The following LARGE1 variants were observed in gnomAD, a reference collection of about 807,000 sequenced individuals.
The protein encoded by LARGE1 is xylosyl- and glucuronyltransferase LARGE1.
A neutral mutation model predicts 87.6 loss-of-function variants in LARGE1; 43 were observed. The observed-to-expected ratio is 0.49, with a 90% CI of 0.38 to 0.63. The LOEUF (loss-of-function observed/expected upper bound fraction) is 0.63, where lower values mean the gene tolerates loss of function less well. Ranked by LOEUF, LARGE1 falls within the 30% of genes least tolerant of loss-of-function variation. The pLI, the probability that LARGE1 is intolerant of heterozygous loss-of-function variation, is 0.00. For synonymous variants in LARGE1, 434 were observed against 394.6 expected (o/e 1.10, Z -1.18); for missense variants, 802 against 1,000.2 (o/e 0.80, Z 2.67).
chr22:33,461,947 G>T (rs1047430079), intron 6 of LARGE1, among the ~76,000 whole-genome samples: 1 of 152,134 alleles, frequency 6.6e-6, no homozygotes. Context: ...GACTACAGCT[G>T]CATGAGAGAT....
Position 33,252,255 on chromosome 22 carries a change from C to A in LARGE1, c.1730+51974G>T, listed in dbSNP as rs895828713. Reference sequence around the variant, plus strand: ...TTTTAATGATAATTCCTTCATTCCCCCCCCCCCCGCCATTTTAAACTCATT... The same window carrying A: ...TTTTAATGATAATTCCTTCATTCCCACCCCCCCCGCCATTTTAAACTCATT... On this transcript the variant is annotated intron_variant, in intron 11 of 11. Coordinates refer to the LARGE1 transcript ENST00000608642. 2.6e-4 allele frequency among the ~76,000 whole-genome samples: 35 copies of A among 132,284 alleles called. No homozygotes were observed. In the South Asian group the frequency reaches 3.0e-3, roughly 11 times the overall value. The allele number at this position is 132,284 out of a possible 152,430, so 86.8% of individuals were successfully genotyped here.
At chr22:33,691,525 T>C (rs190313719) in intron 2 of LARGE1, among the ~76,000 whole-genome samples, 81 of 152,240 alleles carry the variant, frequency 5.3e-4, no homozygotes, top group African/African-American at 1.8e-3. Context: ...AAGACTGGAA[T>C]ATGGCTCCTC....
intron 6 of LARGE1, among the ~76,000 whole-genome samples, chr22:33,466,693 T>TACATAC (rs1555925564): frequency 2.1e-5 from 3 of 145,248 alleles, no homozygotes; most frequent in African/African-American, 7.8e-5. Context: ...TCTCTCTCTC[T>TACATAC]ACACACACAC....
At chr22:33,235,628 T>C (rs917043647) in intron 11 of LARGE1, among the ~76,000 whole-genome samples, 1 of 152,216 alleles carries the variant, frequency 6.6e-6, no homozygotes, top group African/African-American at 2.4e-5. Context: ...AAGCTCCATC[T>C]GAACACCTTC....
intron 5 of LARGE1, among the ~76,000 whole-genome samples, chr22:33,581,811 C>CA (rs130418): frequency 0.047 from 3,605 of 77,098 alleles, 90 homozygotes; most frequent in African/African-American, 0.09. Context: ...AACTCCGTCT[C>CA]AAAAAAAAAA....
chr22:33,382,387 T>G (rs920152298), intron 8 of LARGE1, among the ~76,000 whole-genome samples: 2 of 152,150 alleles, frequency 1.3e-5, no homozygotes, highest in African/African-American at 4.8e-5. Flanking sequence ...TCTGGCCTCC[T>G]AGGCAGGAGC....
chr22:33,267,386 C>T (rs57743865), intron 11 of LARGE1, among the ~76,000 whole-genome samples: 1 of 151,616 alleles, frequency 6.6e-6, no homozygotes, highest in African/African-American at 2.4e-5. Context: ...AATATTAGAA[C>T]GTTGAAGGCA....
At chr22:33,472,094 G>A (rs896076189) in intron 6 of LARGE1, among the ~76,000 whole-genome samples, 1 of 152,136 alleles carries the variant, frequency 6.6e-6, no homozygotes, top group Non-Finnish European at 1.5e-5. Flanking sequence ...GGGAGACAAT[G>A]GGAAGACCAT....
chr22:33,254,045 GA>G (rs1927137892), intron 11 of LARGE1, among the ~76,000 whole-genome samples: 1 of 152,110 alleles, frequency 6.6e-6, no homozygotes, highest in African/African-American at 2.4e-5. Flanking sequence ...GGGAATAAGT[GA>G]AAGCTACCCA....
chr22:33,605,725 G>A (rs1206859657), intron 4 of LARGE1, among the ~76,000 whole-genome samples: 1 of 152,144 alleles, frequency 6.6e-6, no homozygotes, highest in African/African-American at 2.4e-5. Flanking sequence ...TAGAAATAAA[G>A]CACTGTGGGA....
intron 11 of LARGE1, among the ~76,000 whole-genome samples, chr22:33,189,507 CTT>C: frequency 6.6e-6 from 1 of 152,264 alleles, no homozygotes; most frequent in East Asian, 1.9e-4. Flanking sequence ...GATACTCACT[CTT>C]TTTATTGCGC....
At chr22:33,730,596 C>T (rs1331507117) in intron 2 of LARGE1, among the ~76,000 whole-genome samples, 1 of 152,092 alleles carries the variant, frequency 6.6e-6, no homozygotes, top group Non-Finnish European at 1.5e-5. Flanking sequence ...CTGTATTATA[C>T]AACATATTAA....
intron 11 of LARGE1, among the ~76,000 whole-genome samples, chr22:33,265,254 C>T (rs150798977): frequency 3.3e-5 from 5 of 152,098 alleles, no homozygotes; most frequent in Non-Finnish European, 5.9e-5. Context: ...CTTGGACTGC[C>T]TCTAGCAATA....
intron 4 of LARGE1, among the ~76,000 whole-genome samples, chr22:33,606,885 G>C (rs2079279748): frequency 6.6e-6 from 1 of 152,084 alleles, no homozygotes; most frequent in African/African-American, 2.4e-5. Context: ...ATCTAGGTCA[G>C]GGGTCCTTCC....
chr22:33,418,227 G>A (rs1011759612), intron 7 of LARGE1, among the ~76,000 whole-genome samples: 2 of 152,138 alleles, frequency 1.3e-5, no homozygotes. Context: ...GATTACAGTC[G>A]TGAGCCACTG....
chr22:33,422,240 T>C (rs914324930), intron 7 of LARGE1, among the ~76,000 whole-genome samples: 1 of 152,250 alleles, frequency 6.6e-6, no homozygotes, highest in African/African-American at 2.4e-5. Context: ...CGTTCATGTT[T>C]ATAATTACAC....
downstream of LARGE1, among the ~76,000 whole-genome samples, chr22:33,157,974 A>G (rs1921921767): frequency 6.6e-6 from 1 of 152,184 alleles, no homozygotes; most frequent in Non-Finnish European, 1.5e-5. Context: ...TAAATGAAGA[A>G]TACCAAAAAT....
Position 33,695,798 on chromosome 22 carries a change from G to A in LARGE1, c.107-45130C>T, listed in dbSNP as rs544781281. On this transcript the variant is annotated intron_variant, in intron 2 of 14. Coordinates refer to ENST00000397394, the MANE Select transcript of LARGE1 (RefSeq NM_133642.5). Reference sequence around the variant, plus strand: ...AAATCACTGGGAAAATTTTGACAATGCATACTCCTATGTAACCCAAACACT... The same window carrying A: ...AAATCACTGGGAAAATTTTGACAATACATACTCCTATGTAACCCAAACACT... 2.2e-4 allele frequency among the ~76,000 whole-genome samples: 34 copies of A among 152,238 alleles called. No individual in the cohort carries two copies. The South Asian group carries it at 6.8e-3, about 31-fold the overall frequency.
At chr22:33,217,079 A>G (rs1484046445) in intron 11 of LARGE1, among the ~76,000 whole-genome samples, 1 of 152,212 alleles carries the variant, frequency 6.6e-6, no homozygotes, top group Non-Finnish European at 1.5e-5. Flanking sequence ...ATCAACAAGG[A>G]TGGATAGAAC....
Sources: gnomAD v4.1 joint callset for allele counts (sites outside exome capture counted in the v4.1 genomes callset) on GRCh38, gnomAD v4.1.1 for gene constraint, MANE v1.5 for transcripts, NCBI Gene and HGNC (gene_info 2026-07-23, HGNC 2026-07-21) for gene names.